Variants in COA1 observed in about 807,000 individuals in gnomAD.
The protein encoded by COA1 is cytochrome c oxidase assembly factor 1, also known as cytochrome c oxidase assembly factor 1 homolog.
Under a neutral mutation model 16.0 loss-of-function variants are expected in COA1, and 13 were observed. The ratio of observed to expected loss-of-function variants is 0.81; its 90% CI spans 0.53 to 1.29. The LOEUF is 1.29. Ranked by LOEUF, COA1 falls within the 50% of genes most tolerant of loss-of-function variation. The probability of loss-of-function intolerance (pLI) is 0.00; values close to 1 mark genes in which losing one functional copy is unlikely to be tolerated. For synonymous variants in COA1, 65 were observed against 65.7 expected (o/e 0.99, Z 0.05); for missense variants, 179 against 177.0 (o/e 1.01, Z -0.06).
intron 6 of COA1, chr7:43,625,409 G>A (rs1232683023): frequency 6.6e-6 from 1 of 152,098 alleles, no homozygotes; most frequent in African/African-American, 2.4e-5. Flanking sequence ...TTTGGTTTCT[G>A]TTGTGTTTTT....
intron 2 of COA1, chr7:43,647,969 G>A: frequency 3.6e-6 from 1 of 277,258 alleles, no homozygotes; most frequent in Non-Finnish European, 6.8e-6. Context: ...TGGCCAGGAA[G>A]CACAACCACT....
At chr7:43,652,765 G>A (rs538547209) in intron 1 of COA1, among the ~76,000 whole-genome samples, 8 of 151,910 alleles carry the variant, frequency 5.3e-5, no homozygotes, top group Admixed American at 5.2e-4. Context: ...GGAGGAAATG[G>A]AGAGATGGTT....
At chr7:43,664,125 G>A (rs1413367952) in intron 1 of COA1, among the ~76,000 whole-genome samples, 1 of 151,722 alleles carries the variant, frequency 6.6e-6, no homozygotes, top group Non-Finnish European at 1.5e-5. Context: ...GAGAGAGAGA[G>A]AGAGAGTCTT....
intron 1 of COA1, among the ~76,000 whole-genome samples, chr7:43,719,801 A>G (rs2095470345): frequency 6.6e-6 from 1 of 152,134 alleles, no homozygotes; most frequent in Admixed American, 6.5e-5. Context: ...CCTTGAATCT[A>G]TTCTCCCCAC....
intron 1 of COA1, among the ~76,000 whole-genome samples, chr7:43,725,405 A>G (rs2095595689): frequency 6.6e-6 from 1 of 152,252 alleles, no homozygotes; most frequent in African/African-American, 2.4e-5. Context: ...AAGAAAAGAC[A>G]AAACACTGAA....
chr7:43,675,234 T>C (rs1584829907), intron 1 of COA1, among the ~76,000 whole-genome samples: 1 of 152,188 alleles, frequency 6.6e-6, no homozygotes, highest in African/African-American at 2.4e-5. Context: ...ATATACACCA[T>C]GGAATACTAT....
intron 1 of COA1, among the ~76,000 whole-genome samples, chr7:43,687,730 T>C (rs2094104526): frequency 1.3e-5 from 2 of 152,170 alleles, no homozygotes; most frequent in South Asian, 4.1e-4. Flanking sequence ...ATATCATGCA[T>C]TCTTCCATGT....
Position 43,719,882 on chromosome 7 carries a change from A to G in COA1, c.-39+9547T>C, listed in dbSNP as rs577845613. 2.4e-4 allele frequency among the ~76,000 whole-genome samples: 36 copies of G among 152,328 alleles called. 1 individual carries two copies. The South Asian group carries it at 7.3e-3, about 31-fold the overall frequency. ...CAGTGAACAAGGGGAAACTGGCATG[A>G]GATGAGACTATAACAGAAAGAAGAG... On this transcript the variant is annotated intron_variant, in intron 1 of 5. Coordinates refer to ENST00000223336, the MANE Select transcript of COA1 (RefSeq NM_018224.4).
intron 6 of COA1, chr7:43,624,784 A>G (rs1314364327): frequency 6.2e-7 from 1 of 1,611,922 alleles, no homozygotes. Context: ...GCCATTTCCA[A>G]ACGATTTAAA....
At chr7:43,635,701 A>C (rs749363761), downstream of COA1, among the ~76,000 whole-genome samples, 1 of 152,186 alleles carries the variant, frequency 6.6e-6, no homozygotes, top group Non-Finnish European at 1.5e-5. Flanking sequence ...ATACCACTAC[A>C]TATCACTGGA....
intron 1 of COA1, among the ~76,000 whole-genome samples, chr7:43,657,005 G>C (rs1054767970): frequency 6.6e-6 from 1 of 151,554 alleles, no homozygotes; most frequent in Non-Finnish European, 1.5e-5. Flanking sequence ...GACCAGCCTG[G>C]GCAACACAGT....
intron 1 of COA1, among the ~76,000 whole-genome samples, chr7:43,686,286 ATG>A (rs2094017801): frequency 8.1e-5 from 4 of 49,504 alleles, no homozygotes; most frequent in African/African-American, 4.8e-4. Flanking sequence ...TGTTCTGGCT[ATG>A]TGTTCTGGCT....
chr7:43,717,680 A>C (rs1284366379), intron 1 of COA1, among the ~76,000 whole-genome samples: 1 of 151,606 alleles, frequency 6.6e-6, no homozygotes, highest in Non-Finnish European at 1.5e-5. Flanking sequence ...AGGACATGAG[A>C]TTTGGCAGGG....
At position 43,627,377 on chromosome 7, in the gene COA1, T is replaced by C. The variant is rs567669440; in HGVS notation, c.*133+12072A>G. On this transcript the variant is annotated intron_variant and NMD_transcript_variant, in intron 6 of 6. Coordinates refer to the COA1 transcript ENST00000415076. Reference sequence around the variant, plus strand: ...AAAATGTATTAAAGGGTTATAAAGATCACTTAGAGAATGTGAGACAGAACA... The same window carrying C: ...AAAATGTATTAAAGGGTTATAAAGACCACTTAGAGAATGTGAGACAGAACA... Among the ~76,000 whole-genome samples, 11 of 152,276 alleles carry C rather than the reference T, an allele frequency of 7.2e-5. No homozygotes were observed. In the South Asian group the frequency reaches 1.4e-3, roughly 20 times the overall value.
intron 6 of COA1, among the ~76,000 whole-genome samples, chr7:43,614,455 TA>T (rs1244257747): frequency 6.6e-6 from 1 of 152,192 alleles, no homozygotes; most frequent in African/African-American, 2.4e-5. Context: ...AATGCTGAGG[TA>T]CTTAGCTTTG....
At chr7:43,685,510 G>T (rs2130712841) in intron 1 of COA1, among the ~76,000 whole-genome samples, 1 of 152,214 alleles carries the variant, frequency 6.6e-6, no homozygotes, top group Non-Finnish European at 1.5e-5. Context: ...CGGTGGGGTG[G>T]GTAGGGAAAG....
At chr7:43,684,423 T>C (rs1474332922) in intron 1 of COA1, among the ~76,000 whole-genome samples, 1 of 152,126 alleles carries the variant, frequency 6.6e-6, no homozygotes, top group Non-Finnish European at 1.5e-5. Flanking sequence ...AGCTTCAGAA[T>C]AGCCAAGCAT....
chr7:43,635,043 C>CT (rs201459335), downstream of COA1, among the ~76,000 whole-genome samples: 1 of 152,166 alleles, frequency 6.6e-6, no homozygotes, highest in African/African-American at 2.4e-5. Context: ...TGTGTCTACT[C>CT]TTTCTTGTTT....
At chr7:43,691,071 A>C (rs1234459060) in intron 1 of COA1, among the ~76,000 whole-genome samples, 16 of 137,154 alleles carry the variant, frequency 1.2e-4, no homozygotes, top group Admixed American at 2.2e-4. Context: ...AAAAAAAAAA[A>C]AAAAAACAAA....
Sources: gnomAD v4.1 joint callset for allele counts (sites outside exome capture counted in the v4.1 genomes callset) on GRCh38, gnomAD v4.1.1 for gene constraint, MANE v1.5 for transcripts, NCBI Gene and HGNC (gene_info 2026-07-23, HGNC 2026-07-21) for gene names.